NRXN1: variants seen among roughly 807,000 people sequenced by gnomAD.
NRXN1 encodes neurexin 1, also known as neurexin-1.
In NRXN1, 39 loss-of-function variants were observed where a neutral mutation model predicts 150.9. The observed-to-expected ratio is 0.26, with a 90% CI of 0.20 to 0.34. The LOEUF is 0.34. NRXN1 is among the 10% of genes least tolerant of loss of function. NRXN1 has a pLI of 1.00. For synonymous variants in NRXN1, 924 were observed against 757.0 expected (o/e 1.22, Z -3.62); for missense variants, 1,815 against 1,949.9 (o/e 0.93, Z 1.30).
At chr2:50,972,267 G>A (rs1575093714) in intron 2 of NRXN1, among the ~76,000 whole-genome samples, 1 of 152,110 alleles carries the variant, frequency 6.6e-6, no homozygotes, top group Non-Finnish European at 1.5e-5. Flanking sequence ...AAGAGGCCAT[G>A]AAATTAAATA....
At chr2:49,946,894 C>T (rs141368458) in intron 21 of NRXN1, among the ~76,000 whole-genome samples, 2 of 152,194 alleles carry the variant, frequency 1.3e-5, no homozygotes, top group African/African-American at 4.8e-5. Context: ...GAACAGAGGC[C>T]TCAATGTAAC....
chr2:50,174,025 C>T (rs1178331302), intron 18 of NRXN1, among the ~76,000 whole-genome samples: 2 of 151,862 alleles, frequency 1.3e-5, no homozygotes, highest in Non-Finnish European at 2.9e-5. Context: ...TATATCAATC[C>T]CCTTCCCCAC....
chr2:50,086,845 A>AGAGAGAGAAG (rs4032305), intron 19 of NRXN1, among the ~76,000 whole-genome samples: 26 of 150,820 alleles, frequency 1.7e-4, no homozygotes, highest in African/African-American at 6.4e-4. Context: ...AGAGAGAGAG[A>AGAGAGAGAAG]GAGAGCGAGC....
At chr2:50,551,982 C>T (rs899976903) in intron 9 of NRXN1, among the ~76,000 whole-genome samples, 3 of 152,116 alleles carry the variant, frequency 2.0e-5, no homozygotes, top group African/African-American at 7.2e-5. Flanking sequence ...CCCCTCCTCT[C>T]TTAGAGAAAT....
At chr2:50,602,616 T>G (rs1041068969) in intron 8 of NRXN1, among the ~76,000 whole-genome samples, 1 of 152,160 alleles carries the variant, frequency 6.6e-6, no homozygotes, top group African/African-American at 2.4e-5. Context: ...TTTCTCTCCC[T>G]TTCTGCCCCC....
rs73930563 is a variant in NRXN1 at position 50,521,594 on chromosome 2, T to G, written c.2374+7031A>C. Among the ~76,000 whole-genome samples the G allele has an allele frequency of 1.6e-3, 243 of 152,312 alleles. 3 individuals are homozygous for G. Among genetic ancestry groups the G allele is most frequent in the African/African-American group, 5.7e-3 (235 of 41,578 alleles). On this transcript the variant is annotated intron_variant, in intron 12 of 22. Transcript: ENST00000401669. ...ACAAAACATTTCAATCTCCAAATTCTTTGACCGTCCCCATGATTTAAAGAG... is the reference window on the plus strand; with the variant it reads ...ACAAAACATTTCAATCTCCAAATTCGTTGACCGTCCCCATGATTTAAAGAG...
At chr2:50,305,342 G>A (rs1293560303) in intron 17 of NRXN1, among the ~76,000 whole-genome samples, 1 of 152,108 alleles carries the variant, frequency 6.6e-6, no homozygotes, top group African/African-American at 2.4e-5. Context: ...AAAACTTGAT[G>A]TACAAATGTT....
At chr2:50,720,139 G>A (rs1227707868) in intron 5 of NRXN1, among the ~76,000 whole-genome samples, 1 of 151,858 alleles carries the variant, frequency 6.6e-6, no homozygotes, top group African/African-American at 2.4e-5. Flanking sequence ...CTGATTTTTG[G>A]ATCAGAACAT....
chr2:50,099,667 T>G (rs1297901430), intron 18 of NRXN1, among the ~76,000 whole-genome samples: 2 of 152,180 alleles, frequency 1.3e-5, no homozygotes, highest in African/African-American at 4.8e-5. Flanking sequence ...GGAAGTTAAT[T>G]AAAATATTGC....
chr2:50,282,248 G>C (rs886660017), intron 17 of NRXN1, among the ~76,000 whole-genome samples: 1 of 152,104 alleles, frequency 6.6e-6, no homozygotes, highest in Non-Finnish European at 1.5e-5. Flanking sequence ...AAGTGATGAG[G>C]ATCTACCAAA....
intron 17 of NRXN1, among the ~76,000 whole-genome samples, chr2:50,297,323 G>A (rs2073703684): frequency 1.3e-5 from 2 of 152,144 alleles, no homozygotes; most frequent in South Asian, 2.1e-4. Context: ...CCATGGAGTT[G>A]GCAATTTGGC....
At chr2:50,974,468 A>G (rs1331290256) in intron 2 of NRXN1, among the ~76,000 whole-genome samples, 2 of 152,154 alleles carry the variant, frequency 1.3e-5, no homozygotes, top group African/African-American at 4.8e-5. Context: ...ATCAGAATAC[A>G]AAACACAGAT....
chr2:50,026,719 T>C (rs1688337226), intron 21 of NRXN1, among the ~76,000 whole-genome samples: 1 of 152,042 alleles, frequency 6.6e-6, no homozygotes, highest in African/African-American at 2.4e-5. Flanking sequence ...TTTCACTTCC[T>C]TTTTAGATTA....
At chr2:50,290,706 G>A (rs983523219) in intron 17 of NRXN1, among the ~76,000 whole-genome samples, 3 of 152,124 alleles carry the variant, frequency 2.0e-5, no homozygotes, top group African/African-American at 7.2e-5. Context: ...ATCACCTGTT[G>A]CTTTGGAGTT....
chr2:50,472,466 A>T lies in NRXN1; in HGVS notation c.3076T>A (p.Leu1026Ile), dbSNP rs1558790614. The change falls in exon 16 of 23, where the codon TTA becomes ATA. Residue 1026 changes from leucine to isoleucine, a missense_variant. By Grantham distance (5) the Leu-to-Ile change is conservative. Coordinates refer to ENST00000401669, the MANE Select transcript of NRXN1 (RefSeq NM_001330078.2). ...TCTTTAGCTACTCCTCCTATATATA[A>T]GTCACCTGCAAGAAGATCAAAGTCT... ...GARNLDLKSD[L>I]YIGGVAKETY... 4 of 1,610,088 alleles carry T rather than the reference A, an allele frequency of 2.5e-6. No individual in the cohort carries two copies. Among genetic ancestry groups the T allele is most frequent in the Non-Finnish European group, 3.4e-6 (4 of 1,177,430 alleles).
At chr2:50,631,566 T>G in intron 5 of NRXN1, among the ~76,000 whole-genome samples, 1 of 152,052 alleles carries the variant, frequency 6.6e-6, no homozygotes, top group East Asian at 1.9e-4. Context: ...AAAATGAGCT[T>G]CTAATTCATT....
chr2:50,870,776 G>T (rs1439846990), intron 5 of NRXN1, among the ~76,000 whole-genome samples: 2 of 151,606 alleles, frequency 1.3e-5, no homozygotes, highest in South Asian at 2.1e-4. Flanking sequence ...CATCCCTTTT[G>T]CAGGATGTCG....
intron 8 of NRXN1, among the ~76,000 whole-genome samples, chr2:50,562,721 G>C (rs1669290322): frequency 6.6e-6 from 1 of 151,872 alleles, no homozygotes; most frequent in Non-Finnish European, 1.5e-5. Context: ...AACACTCAGG[G>C]GAACACAATT....
At position 50,796,956 on chromosome 2, in the gene NRXN1, T is replaced by C. The variant is rs149923793; in HGVS notation, c.832+124913A>G. Among the ~76,000 whole-genome samples the C allele has an allele frequency of 2.6e-5, 4 of 152,210 alleles. No individual in the cohort carries two copies. In the East Asian group the frequency reaches 7.7e-4, roughly 29 times the overall value. ...CAGTCTCTCCTTCAAAGATGGTGCCTTGTTGCTGCATTCCCAGAAGGGAGG... is the reference window on the plus strand; with the variant it reads ...CAGTCTCTCCTTCAAAGATGGTGCCCTGTTGCTGCATTCCCAGAAGGGAGG... On this transcript the variant is annotated intron_variant, in intron 5 of 22. Transcript: ENST00000401669.
Sources: allele counts gnomAD v4.1 joint callset (sites outside exome capture counted in the v4.1 genomes callset), GRCh38; gene constraint gnomAD v4.1.1; transcripts MANE v1.5; gene names NCBI Gene and HGNC (gene_info 2026-07-23, HGNC 2026-07-21).